COLEC11: variants seen among roughly 807,000 people sequenced by gnomAD.
COLEC11 encodes collectin subfamily member 11.
A neutral mutation model predicts 27.3 loss-of-function variants in COLEC11; 20 were observed. That is an observed-to-expected ratio of 0.73 (90% CI 0.51 to 1.06). The LOEUF (loss-of-function observed/expected upper bound fraction) is 1.06. Ranked by LOEUF, COLEC11 falls within the 50% of genes least tolerant of loss-of-function variation. The probability of loss-of-function intolerance (pLI) is 0.00; values close to 1 mark genes in which losing one functional copy is unlikely to be tolerated. For synonymous variants in COLEC11, 163 were observed against 154.7 expected (o/e 1.05, Z -0.40); for missense variants, 310 against 383.0 (o/e 0.81, Z 1.59).
chr2:3,626,933 C>G (rs1397894931), intron 3 of COLEC11, among the ~76,000 whole-genome samples: 1 of 152,160 alleles, frequency 6.6e-6, no homozygotes, highest in African/African-American at 2.4e-5. Context: ...CCACCACCCT[C>G]CACACCCTCC....
intron 3 of COLEC11, among the ~76,000 whole-genome samples, chr2:3,636,047 G>C (rs756164971): frequency 6.6e-6 from 1 of 152,238 alleles, no homozygotes; most frequent in Admixed American, 6.5e-5. Context: ...TTGGGGGAAC[G>C]TTACATCTGC....
intron 3 of COLEC11, among the ~76,000 whole-genome samples, chr2:3,622,502 G>A (rs868773054): frequency 3.9e-5 from 6 of 152,160 alleles, no homozygotes; most frequent in Non-Finnish European, 8.8e-5. Flanking sequence ...CAAAACTCAC[G>A]TTGAAACTTG....
chr2:3,604,567 C>A, intron 2 of COLEC11, 97 bp downstream of exon 2: 1 of 1,394,112 alleles, frequency 7.2e-7, no homozygotes, highest in Non-Finnish European at 1.0e-6. Flanking sequence ...AAGCACAAAG[C>A]CCCAGCAAAT....
chr2:3,620,448 T>G (rs1256649831), intron 3 of COLEC11, among the ~76,000 whole-genome samples: 2 of 152,130 alleles, frequency 1.3e-5, no homozygotes, highest in African/African-American at 4.8e-5. Flanking sequence ...TTTTTCTTCG[T>G]CTAGCTAAAG....
chr2:3,635,570 C>T (rs949950638), intron 3 of COLEC11, among the ~76,000 whole-genome samples: 1 of 152,240 alleles, frequency 6.6e-6, no homozygotes, highest in African/African-American at 2.4e-5. Flanking sequence ...TATTCCCTTC[C>T]CTCGCACGCA....
At chr2:3,635,072 TCCCTCTC>T (rs1665288826) in intron 3 of COLEC11, among the ~76,000 whole-genome samples, 2 of 99,706 alleles carry the variant, frequency 2.0e-5, no homozygotes, top group Admixed American at 1.9e-4. Context: ...CCCATGATGA[TCCCTCTC>T]CCCTGCCTGT....
chr2:3,601,728 C>G (rs556275148), intron 1 of COLEC11, among the ~76,000 whole-genome samples: 1 of 152,332 alleles, frequency 6.6e-6, no homozygotes, highest in Admixed American at 6.5e-5. Context: ...AGCTCTCCCA[C>G]GCGCGTGCCC....
chr2:3,603,601 G>C, intron 1 of COLEC11: 2 of 1,549,334 alleles, frequency 1.3e-6, no homozygotes, highest in South Asian at 1.2e-5. Context: ...ACAGGTGTGA[G>C]CCACTGCGCC....
chr2:3,640,027 G>A (rs1176818218), intron 4 of COLEC11, among the ~76,000 whole-genome samples: 2 of 152,184 alleles, frequency 1.3e-5, no homozygotes, highest in African/African-American at 4.8e-5. Flanking sequence ...AGATATCCTG[G>A]ATTTTCCAGA....
intron 2 of COLEC11, among the ~76,000 whole-genome samples, chr2:3,606,633 C>T (rs1338510546): frequency 3.3e-5 from 5 of 152,232 alleles, no homozygotes; most frequent in African/African-American, 1.2e-4. Context: ...AAGCACTAAC[C>T]CTGTGCAGGC....
At chr2:3,619,658 C>T (rs577974841) in intron 3 of COLEC11, among the ~76,000 whole-genome samples, 2 of 152,306 alleles carry the variant, frequency 1.3e-5, no homozygotes, top group East Asian at 3.9e-4. Flanking sequence ...CGGAGTCTTG[C>T]TCTGTTGCCC....
At chr2:3,632,985 C>T (rs2147941940) in intron 3 of COLEC11, among the ~76,000 whole-genome samples, 1 of 152,326 alleles carries the variant, frequency 6.6e-6, no homozygotes, top group South Asian at 2.1e-4. Flanking sequence ...AAGAAGCTTC[C>T]ACCTGGAAAA....
chr2:3,605,033 G>A (rs1360967561), intron 2 of COLEC11: 1 of 470,912 alleles, frequency 2.1e-6, no homozygotes, highest in Admixed American at 2.3e-5. Flanking sequence ...GGTGAGGCAT[G>A]GGTGAGAAAG....
intron 3 of COLEC11, among the ~76,000 whole-genome samples, chr2:3,619,712 G>A (rs1276571068): frequency 2.0e-5 from 3 of 152,012 alleles, no homozygotes; most frequent in Non-Finnish European, 1.5e-5. Context: ...TGCAACCTCC[G>A]CCTCCTGAGT....
intron 3 of COLEC11, chr2:3,617,586 C>A: frequency 6.2e-7 from 1 of 1,611,108 alleles, no homozygotes; most frequent in Non-Finnish European, 8.5e-7. Context: ...TCAGTCGTTT[C>A]TTTGGAAGGC....
At chr2:3,606,199 G>A (rs1048815162) in intron 2 of COLEC11, 76 of 1,550,470 alleles carry the variant, frequency 4.9e-5, no homozygotes, top group Non-Finnish European at 6.6e-5. Flanking sequence ...CCAATGTGGT[G>A]GGTGCCTCCG....
intron 3 of COLEC11, among the ~76,000 whole-genome samples, chr2:3,634,013 C>T (rs1359092734): frequency 6.6e-6 from 1 of 152,204 alleles, no homozygotes; most frequent in Non-Finnish European, 1.5e-5. Flanking sequence ...CTTCAGACCA[C>T]GGTGAGGGAC....
At chr2:3,643,670 C>T in intron 6 of COLEC11, 57 bp from the exon 7 acceptor site, 1 of 1,612,368 alleles carries the variant, frequency 6.2e-7, no homozygotes. Flanking sequence ...GTGGCTGTGC[C>T]TTAAGTTTGT....
chr2:3,603,878 G>A (rs1558486116), intron 1 of COLEC11: 4 of 595,396 alleles, frequency 6.7e-6, no homozygotes, highest in Non-Finnish European at 9.0e-6. Context: ...GCTAAGCTTG[G>A]GGCTCCTCAG....
Sources: allele counts gnomAD v4.1 joint callset (sites outside exome capture counted in the v4.1 genomes callset), GRCh38; gene constraint gnomAD v4.1.1; transcripts MANE v1.5; gene names NCBI Gene and HGNC (gene_info 2026-07-23, HGNC 2026-07-21).